IGF2BP3: variants seen among roughly 807,000 people sequenced by gnomAD.
IGF2BP3 encodes the protein insulin like growth factor 2 mRNA binding protein 3.
IGF2BP3 carries 9 observed loss-of-function variants against 73.8 expected under a neutral mutation model. The ratio of observed to expected loss-of-function variants is 0.12; its 90% CI spans 0.07 to 0.21. The LOEUF is 0.21. IGF2BP3 is among the 10% of genes least tolerant of loss of function. IGF2BP3 has a pLI of 1.00. For synonymous variants in IGF2BP3, 258 were observed against 256.7 expected (o/e 1.01, Z -0.05); for missense variants, 542 against 714.0 (o/e 0.76, Z 2.75).
intron 3 of IGF2BP3, among the ~76,000 whole-genome samples, chr7:23,407,959 GC>G (rs1319443771): frequency 0.28 from 14,534 of 51,476 alleles, 1,039 homozygotes; most frequent in Middle Eastern, 0.32. Flanking sequence ...GGGGCGGGGG[GC>G]GGGGGGGGGG....
chr7:23,330,014 G>A (rs1163174535), intron 10 of IGF2BP3, among the ~76,000 whole-genome samples: 2 of 152,034 alleles, frequency 1.3e-5, no homozygotes, highest in South Asian at 2.1e-4. Context: ...TGCCAGGCAC[G>A]GTGGCTCACG....
intron 3 of IGF2BP3, among the ~76,000 whole-genome samples, chr7:23,387,468 T>C (rs894110237): frequency 2.0e-5 from 3 of 152,188 alleles, no homozygotes; most frequent in African/African-American, 7.2e-5. Flanking sequence ...CAATATGGAA[T>C]TTGGTTTACT....
chr7:23,378,723 G>A (rs1366871126), intron 3 of IGF2BP3, among the ~76,000 whole-genome samples: 2 of 151,716 alleles, frequency 1.3e-5, no homozygotes, highest in African/African-American at 4.8e-5. Flanking sequence ...ACAGGTGCAC[G>A]CCACCATGCC....
chr7:23,440,196 GA>G (rs1562754953), intron 2 of IGF2BP3, among the ~76,000 whole-genome samples: 1 of 152,014 alleles, frequency 6.6e-6, no homozygotes, highest in East Asian at 1.9e-4. Context: ...CCAGGAGGCA[GA>G]GGTTGCAGTG....
intron 3 of IGF2BP3, among the ~76,000 whole-genome samples, chr7:23,395,755 G>A (rs1172137866): frequency 1.3e-5 from 2 of 151,986 alleles, no homozygotes; most frequent in Non-Finnish European, 2.9e-5. Flanking sequence ...GTAAAACCCT[G>A]TCTTTACTAA....
At chr7:23,385,672 T>G (rs1291223753) in intron 3 of IGF2BP3, among the ~76,000 whole-genome samples, 1 of 152,076 alleles carries the variant, frequency 6.6e-6, no homozygotes, top group Non-Finnish European at 1.5e-5. Flanking sequence ...TTAAATCGAC[T>G]AACTGCAAAA....
intron 6 of IGF2BP3, among the ~76,000 whole-genome samples, chr7:23,349,350 G>C (rs12700423): frequency 0.14 from 21,866 of 152,050 alleles, 2,061 homozygotes; most frequent in Admixed American, 0.2. Flanking sequence ...AAGAGTAAAA[G>C]ATAAAACTAA....
chr7:23,351,718 A>C, intron 5 of IGF2BP3, 132 bp from the exon 6 acceptor site: 1 of 885,264 alleles, frequency 1.1e-6, no homozygotes, highest in Non-Finnish European at 1.7e-6. Flanking sequence ...CAGCACAAGC[A>C]GCAAACCCGC....
chr7:23,463,117 C>A (rs532144162), intron 2 of IGF2BP3, among the ~76,000 whole-genome samples: 1 of 152,198 alleles, frequency 6.6e-6, no homozygotes, highest in African/African-American at 2.4e-5. Context: ...CTAACCATCT[C>A]GTCTTTCCGC....
chr7:23,337,042 T>C (rs1349076945), intron 10 of IGF2BP3, among the ~76,000 whole-genome samples: 1 of 152,144 alleles, frequency 6.6e-6, no homozygotes, highest in South Asian at 2.1e-4. Flanking sequence ...TATTTGTATT[T>C]CAAAAAGTGG....
At chr7:23,398,253 T>C (rs1786541990) in intron 3 of IGF2BP3, among the ~76,000 whole-genome samples, 1 of 152,216 alleles carries the variant, frequency 6.6e-6, no homozygotes, top group Admixed American at 6.5e-5. Flanking sequence ...CATCATTTTT[T>C]ATGGCTGCAT....
intron 10 of IGF2BP3, among the ~76,000 whole-genome samples, chr7:23,340,353 C>A (rs543023744): frequency 6.6e-6 from 1 of 152,178 alleles, no homozygotes; most frequent in South Asian, 2.1e-4. Flanking sequence ...GAAACACACA[C>A]GGCAGGAGGG....
chr7:23,428,997 C>T (rs559480450), intron 2 of IGF2BP3, among the ~76,000 whole-genome samples: 7 of 152,166 alleles, frequency 4.6e-5, no homozygotes, highest in Admixed American at 2.6e-4. Flanking sequence ...TCTGTTATGA[C>T]GTGATATTCT....
At chr7:23,341,543 A>T (rs1173350894) in intron 10 of IGF2BP3, among the ~76,000 whole-genome samples, 1 of 152,084 alleles carries the variant, frequency 6.6e-6, no homozygotes, top group Non-Finnish European at 1.5e-5. Context: ...TGTGGCACAC[A>T]CCTGTAATCC....
At chr7:23,409,030 A>T (rs1178755655) in intron 3 of IGF2BP3, among the ~76,000 whole-genome samples, 1 of 152,196 alleles carries the variant, frequency 6.6e-6, no homozygotes, top group African/African-American at 2.4e-5. Flanking sequence ...CAGGCATTAG[A>T]TTCTCCTAAG....
At chr7:23,425,578 T>TC (rs1787485082) in intron 2 of IGF2BP3, among the ~76,000 whole-genome samples, 1 of 152,078 alleles carries the variant, frequency 6.6e-6, no homozygotes, top group South Asian at 2.1e-4. Flanking sequence ...CTCACTACAT[T>TC]CCCCAGGCTG....
chr7:23,460,727 A>G (rs1283072495), intron 2 of IGF2BP3, among the ~76,000 whole-genome samples: 1 of 152,126 alleles, frequency 6.6e-6, no homozygotes, highest in East Asian at 1.9e-4. Context: ...AGACAGGTGG[A>G]TCACCTGAGG....
intron 6 of IGF2BP3, 130 bp from the exon 7 acceptor site, chr7:23,347,864 T>G (rs190077350): frequency 9.9e-7 from 1 of 1,013,214 alleles, no homozygotes; most frequent in South Asian, 1.8e-5. Flanking sequence ...CTCAAGAGCA[T>G]AAACTTTCAA....
At chr7:23,438,494 A>C (rs1787855938) in intron 2 of IGF2BP3, among the ~76,000 whole-genome samples, 1 of 152,074 alleles carries the variant, frequency 6.6e-6, no homozygotes, top group Non-Finnish European at 1.5e-5. Flanking sequence ...ATCCAACCTC[A>C]GTCACCATCT....
Sources: allele counts gnomAD v4.1 joint callset (sites outside exome capture counted in the v4.1 genomes callset), GRCh38; gene constraint gnomAD v4.1.1; transcripts MANE v1.5; gene names NCBI Gene and HGNC (gene_info 2026-07-23, HGNC 2026-07-21).